The following TMEM11 variants were observed in gnomAD, a reference collection of about 807,000 sequenced individuals.
TMEM11 encodes transmembrane protein 11, mitochondrial.
A neutral mutation model predicts 17.0 loss-of-function variants in TMEM11; 1 was observed. The ratio of observed to expected loss-of-function variants is 0.06; its 90% confidence interval spans 0.02 to 0.28. The LOEUF is 0.28. TMEM11 is among the 10% of genes least tolerant of loss of function. The probability of loss-of-function intolerance (pLI) is 1.00; values close to 1 mark genes in which losing one functional copy is unlikely to be tolerated. For synonymous variants in TMEM11, 122 were observed against 118.1 expected, an observed-to-expected ratio of 1.03 and a Z score of -0.21; for missense variants, 172 against 252.9, an observed-to-expected ratio of 0.68 and a Z score of 2.17.
At chr17:21,202,586 GC>G (rs542067306) in intron 1 of TMEM11, among the ~76,000 whole-genome samples, 8 of 140,356 alleles carry the variant, frequency 5.7e-5, no homozygotes, top group African/African-American at 2.1e-4. Context: ...CCCCCTGCAA[GC>G]CCAGCTGGCA....
In TMEM11 at chr17:21,198,461, G is replaced by A; in HGVS notation, c.442C>T (p.Leu148=). Reference sequence around the variant, plus strand: ...GGGGTGGAGGAGGTGAGTGTGTGCAGAGGCAGGCGCGACAGTTTATAGGCG... The same window carrying A: ...GGGGTGGAGGAGGTGAGTGTGTGCAAAGGCAGGCGCGACAGTTTATAGGCG... ...YDAYKLSRLP[L]HTLTSSTPVV... is the part of the protein sequence containing the mutation. The change falls in exon 2 of 2, where the codon CTG becomes TTG. Residue 148 remains leucine, a synonymous_variant. Transcript: ENST00000317635. The surrounding 1 kb of genome is among the most constrained non-coding windows in gnomAD (Gnocchi z 6.5). The A allele has an allele frequency of 6.2e-7, 1 of 1,614,258 alleles. No homozygotes were observed. Among genetic ancestry groups the A allele is most frequent in the Non-Finnish European group, 8.5e-7 (1 of 1,180,046 alleles).
At position 21,198,630 on chromosome 17, in the gene TMEM11, G is replaced by C. The variant is rs142814599; in HGVS notation, c.273C>G (p.Ala91=). ...GCAGCGCCAACGGGGTGAAGAGGCA[G>C]GCGGTGCCCGCCAGCACGGCCGTCT... ...LHKTAVLAGT[A]CLFTPLALPL... The change falls in exon 2 of 2, where the codon GCC becomes GCG. Residue 91 remains alanine (A), a synonymous_variant. Transcript: ENST00000317635. The surrounding 1 kb of genome is among the most constrained non-coding windows in gnomAD (Gnocchi z 6.5). 1.4e-5 allele frequency: 22 copies of C among 1,613,170 alleles called. No individual in the cohort carries two copies. The highest frequency in any genetic ancestry group is 1.8e-5 in the Non-Finnish European group (21 of 1,179,968).
intron 1 of TMEM11, among the ~76,000 whole-genome samples, chr17:21,199,534 T>TA (rs1202854388): frequency 6.6e-6 from 1 of 152,098 alleles, no homozygotes; most frequent in Non-Finnish European, 1.5e-5. Context: ...AAGCCATTCT[T>TA]AGTTAATCAG....
chr17:21,202,381 A>G (rs1387228022), intron 1 of TMEM11, among the ~76,000 whole-genome samples: 1 of 152,142 alleles, frequency 6.6e-6, no homozygotes, highest in Non-Finnish European at 1.5e-5. Flanking sequence ...GGGGTTACAC[A>G]ATGTTCTCGC....
intron 1 of TMEM11, among the ~76,000 whole-genome samples, chr17:21,208,137 C>T (rs2144307353): frequency 6.6e-6 from 1 of 151,408 alleles, no homozygotes; most frequent in African/African-American, 2.4e-5. Flanking sequence ...GGACTACAGG[C>T]AATCGCCACC....
Position 21,198,046 on chromosome 17 carries a change from G to A in TMEM11, c.*278C>T, listed in dbSNP as rs777204420. 37 of 401,984 alleles carry A rather than the reference G, an allele frequency of 9.2e-5. No individual in the cohort carries two copies. The highest frequency in any genetic ancestry group is 1.8e-4 in the African/African-American group (9 of 49,896). The allele number at this position is 401,984 out of a possible 1,614,324, so 24.9% of individuals were successfully genotyped here. A position where few individuals can be genotyped will look rare whatever the true frequency, so the allele number is the denominator to read the frequency against. On this transcript the variant is annotated 3_prime_UTR_variant, in exon 2 of 2. Coordinates refer to ENST00000317635, the MANE Select transcript of TMEM11 (RefSeq NM_003876.3). The surrounding 1 kb of genome is among the most constrained non-coding windows in gnomAD (Gnocchi z 6.5). ...GACTTAAAGACCTCCCCCAAAGCAC[G>A]TCCACACCCCCTCGGCAGCGTCTGC... is the stretch of plus-strand genomic sequence containing the variant.
chr17:21,206,700 C>T (rs1358452693), intron 1 of TMEM11, among the ~76,000 whole-genome samples: 1 of 152,002 alleles, frequency 6.6e-6, no homozygotes, highest in African/African-American at 2.4e-5. Flanking sequence ...CAACGCCCAG[C>T]TAACTTTGTA....
intron 1 of TMEM11, among the ~76,000 whole-genome samples, chr17:21,201,104 G>A (rs2144290298): frequency 6.6e-6 from 1 of 152,328 alleles, no homozygotes; most frequent in African/African-American, 2.4e-5. Flanking sequence ...AAACCTAACA[G>A]GCAGGGTTGC....
At chr17:21,212,008 G>A (rs574579769) in intron 1 of TMEM11, among the ~76,000 whole-genome samples, 1 of 152,300 alleles carries the variant, frequency 6.6e-6, no homozygotes, top group East Asian at 1.9e-4. Context: ...CAACTGAGCA[G>A]GAATGGAGGG....
chr17:21,198,931 G>T lies in TMEM11; in HGVS notation c.63-91C>A. The T allele has an allele frequency of 7.0e-7, 1 of 1,436,610 alleles. No individual in the cohort carries two copies. The highest frequency in any genetic ancestry group is 9.4e-7 in the Non-Finnish European group (1 of 1,065,850). The allele number at this position is 1,436,610 out of a possible 1,614,324, so 89.0% of individuals were successfully genotyped here. A position where few individuals can be genotyped will look rare whatever the true frequency, so the allele number is the denominator to read the frequency against. ...TTAACTGTGTTTCAGCGCTGGGGGA[G>T]GTCTGAGCCTGCACTGCGGAGAGCA... On this transcript the variant is annotated intron_variant, in intron 1 of 1. Coordinates refer to ENST00000317635, the MANE Select transcript of TMEM11 (RefSeq NM_003876.3). The surrounding 1 kb of genome is among the most constrained non-coding windows in gnomAD (Gnocchi z 6.5).
chr17:21,199,045 G>A (rs1974851337), intron 1 of TMEM11, among the ~76,000 whole-genome samples: 1 of 151,950 alleles, frequency 6.6e-6, no homozygotes, highest in South Asian at 2.1e-4. Flanking sequence ...AATAAAGCTG[G>A]GTGTGGTGGC....
intron 1 of TMEM11, among the ~76,000 whole-genome samples, chr17:21,203,830 A>G (rs1974910213): frequency 6.6e-6 from 1 of 152,010 alleles, no homozygotes; most frequent in East Asian, 1.9e-4. Flanking sequence ...AACCTAATGA[A>G]GGAAAGAACC....
At position 21,199,116 on chromosome 17, in the gene TMEM11, A is replaced by C. The variant is rs192264172; in HGVS notation, c.63-276T>G. 5.1e-3 allele frequency among the ~76,000 whole-genome samples: 779 copies of C among 151,640 alleles called. 8 individuals carry two copies. Among genetic ancestry groups the C allele is most frequent in the African/African-American group, 0.018 (743 of 41,308 alleles). ...GGGGCGGATCATGAGGTCAGGAGTT[A>C]GAGACCAGCCTGGCCAACATGGTGA... On this transcript the variant is annotated intron_variant, in intron 1 of 1. Coordinates refer to ENST00000317635, the MANE Select transcript of TMEM11 (RefSeq NM_003876.3).
At chr17:21,207,613 C>T (rs1372393844) in intron 1 of TMEM11, among the ~76,000 whole-genome samples, 3 of 151,858 alleles carry the variant, frequency 2.0e-5, no homozygotes, top group African/African-American at 7.3e-5. Context: ...TCAGGCTAGG[C>T]GCGGTGGCTC....
chr17:21,203,051 C>G (rs992720720), intron 1 of TMEM11, among the ~76,000 whole-genome samples: 1 of 152,218 alleles, frequency 6.6e-6, no homozygotes, highest in African/African-American at 2.4e-5. Flanking sequence ...TCCTGCACAA[C>G]GGCGCTGAGG....
chr17:21,212,338 T>C (rs1034767322), intron 1 of TMEM11, among the ~76,000 whole-genome samples: 8 of 151,478 alleles, frequency 5.3e-5, no homozygotes, highest in African/African-American at 1.9e-4. Context: ...GCAAATGCAT[T>C]GAGTCAAGCT....
intron 1 of TMEM11, among the ~76,000 whole-genome samples, chr17:21,202,322 C>T (rs1007499529): frequency 2.0e-5 from 3 of 152,188 alleles, no homozygotes; most frequent in African/African-American, 7.2e-5. Flanking sequence ...GCACCAGAGG[C>T]GGGCTTCCTC....
intron 1 of TMEM11, among the ~76,000 whole-genome samples, chr17:21,210,084 G>A (rs1427865327): frequency 2.0e-5 from 3 of 152,126 alleles, no homozygotes; most frequent in Non-Finnish European, 2.9e-5. Flanking sequence ...CCGACAAGCC[G>A]GGGCAGAGGA....
intron 1 of TMEM11, among the ~76,000 whole-genome samples, chr17:21,199,825 AG>A (rs932121070): frequency 2.0e-5 from 3 of 152,164 alleles, no homozygotes; most frequent in African/African-American, 7.2e-5. Context: ...CCCACTGCAT[AG>A]GAAAAGCGAC....
Sources: allele counts gnomAD v4.1 joint callset (sites outside exome capture counted in the v4.1 genomes callset), GRCh38; gene constraint gnomAD v4.1.1; non-coding constraint Gnocchi (gnomAD v3.1); transcripts MANE v1.5; gene names NCBI Gene and HGNC (gene_info 2026-07-23, HGNC 2026-07-21).